The following KDM4C variants were observed in gnomAD, a reference collection of about 807,000 sequenced individuals.
The protein encoded by KDM4C is lysine-specific demethylase 4C.
KDM4C carries 81 observed loss-of-function variants against 129.3 expected under a neutral mutation model. The observed-to-expected ratio is 0.63, with a 90% CI of 0.52 to 0.75. The LOEUF (loss-of-function observed/expected upper bound fraction) is 0.75, where lower values mean the gene tolerates loss of function less well. KDM4C is among the 30% of genes least tolerant of loss of function. The pLI is 0.00. For synonymous variants in KDM4C, 573 were observed against 456.1 expected (o/e 1.26, Z -3.26); for missense variants, 1,457 against 1,304.0 (o/e 1.12, Z -1.81).
At chr9:6,729,087 C>G (rs1372253470) in intron 1 of KDM4C, among the ~76,000 whole-genome samples, 1 of 149,748 alleles carries the variant, frequency 6.7e-6, no homozygotes, top group Non-Finnish European at 1.5e-5. Flanking sequence ...TGTCTGTAAT[C>G]CCAGCTACTC....
rs768184146 is a variant in KDM4C, at chr9:7,011,736, G to T, written c.1825G>T (p.Glu609Ter). The T allele has an allele frequency of 1.9e-6, 3 of 1,614,154 alleles. No individual in the cohort carries two copies. Among genetic ancestry groups the T allele is most frequent in the Non-Finnish European group, 1.7e-6 (2 of 1,179,998 alleles). Residue 609 changes from glutamate (E) to a stop codon, truncating the protein, a stop_gained, in exon 13 of 22, where the codon GAA (glutamate) becomes TAA (stop). Transcript: ENST00000381309. LOFTEE classifies it high-confidence loss of function. ...TCTGTCCATTGAGGAGGAAGTGGAA[G>T]AAACAGAGTCTTGGGCGAAACCTCT... ...EVLSIEEEVE[E>*]TESWAKPLIH...
At chr9:7,139,594 C>T (rs2129829815) in intron 19 of KDM4C, among the ~76,000 whole-genome samples, 1 of 152,170 alleles carries the variant, frequency 6.6e-6, no homozygotes, top group East Asian at 1.9e-4. Context: ...CACTATAACC[C>T]TTAGACCAGG....
chr9:6,917,160 G>A (rs1292320374), intron 8 of KDM4C, among the ~76,000 whole-genome samples: 1 of 152,150 alleles, frequency 6.6e-6, no homozygotes, highest in Non-Finnish European at 1.5e-5. Flanking sequence ...GAGATGCTCA[G>A]GAAGGAAAAT....
At chr9:7,039,762 G>T (rs1828243355) in intron 15 of KDM4C, among the ~76,000 whole-genome samples, 1 of 152,124 alleles carries the variant, frequency 6.6e-6, no homozygotes, top group Middle Eastern at 3.4e-3. Flanking sequence ...CATCATAAAG[G>T]TCTTCATCCT....
chr9:6,769,384 A>C (rs895078561), intron 1 of KDM4C, among the ~76,000 whole-genome samples: 1 of 151,900 alleles, frequency 6.6e-6, no homozygotes, highest in African/African-American at 2.4e-5. Flanking sequence ...TGGAGAGCCT[A>C]GCAAAGAGGT....
At chr9:6,992,132 G>C (rs1249071661) in intron 12 of KDM4C, among the ~76,000 whole-genome samples, 2 of 151,876 alleles carry the variant, frequency 1.3e-5, no homozygotes, top group Non-Finnish European at 2.9e-5. Context: ...GCTCATGATT[G>C]TAATTTCCCT....
chr9:6,947,657 C>A (rs1299074312), intron 8 of KDM4C, among the ~76,000 whole-genome samples: 1 of 152,010 alleles, frequency 6.6e-6, no homozygotes, highest in Non-Finnish European at 1.5e-5. Flanking sequence ...CCTTGAATTT[C>A]AAATTGTTTA....
chr9:6,838,616 T>C (rs762134432), intron 4 of KDM4C, among the ~76,000 whole-genome samples: 48 of 152,226 alleles, frequency 3.2e-4, no homozygotes, highest in Non-Finnish European at 4.9e-4. Flanking sequence ...TGCAGAATTA[T>C]TTTTCTTTCA....
intron 8 of KDM4C, among the ~76,000 whole-genome samples, chr9:6,952,430 TA>T (rs1468238795): frequency 1.9e-4 from 27 of 138,710 alleles, no homozygotes; most frequent in East Asian, 4.5e-4. Flanking sequence ...TATATATATA[TA>T]ATAATAATTA....
chr9:6,849,457 A>G lies in KDM4C; in HGVS notation c.436-50A>G, dbSNP rs200827323. 9.8e-6 allele frequency: 14 copies of G among 1,424,472 alleles called. No homozygotes were observed. The East Asian group carries it at 2.3e-4, about 24-fold the overall frequency. The allele number at this position is 1,424,472 out of a possible 1,614,324, so 88.2% of individuals were successfully genotyped here. On this transcript the variant is annotated intron_variant, in intron 4 of 21. Transcript: ENST00000381309. ...GTTTGATTAGTAAATGCTATCTTTC[A>G]TGGTTTAGTAAGATTTGATTTCTCT... is the stretch of plus-strand genomic sequence containing the variant.
chr9:6,773,644 G>A (rs1310410759), intron 1 of KDM4C, among the ~76,000 whole-genome samples: 1 of 151,924 alleles, frequency 6.6e-6, no homozygotes, highest in Non-Finnish European at 1.5e-5. Context: ...GTTAGCGCAC[G>A]CTTATAATCC....
At chr9:7,151,933 G>C (rs1005015374) in intron 19 of KDM4C, among the ~76,000 whole-genome samples, 1 of 152,162 alleles carries the variant, frequency 6.6e-6, no homozygotes, top group African/African-American at 2.4e-5. Flanking sequence ...GCACAGAATT[G>C]GTTCTTTCGT....
At position 6,849,667 on chromosome 9, in the gene KDM4C, T is replaced by C. The variant is rs1838473686; in HGVS notation, c.596T>C (p.Ile199Thr). 1 of 1,604,700 alleles carries C rather than the reference T, an allele frequency of 6.2e-7. No individual in the cohort carries two copies. Among genetic ancestry groups the C allele is most frequent in the Non-Finnish European group, 8.5e-7 (1 of 1,173,218 alleles). ...ACCGAAGACATGGACCTCTATAGCA[T>C]TAATTATCTCCACTTTGGAGAGCCC... ...WHTEDMDLYS[I>T]NYLHFGEPKS... The change falls in exon 5 of 22, where the codon ATT (isoleucine) becomes ACT (threonine). Residue 199 changes from isoleucine (I) to threonine (T), a missense_variant. Coordinates refer to ENST00000381309, the MANE Select transcript of KDM4C (RefSeq NM_015061.6).
intron 4 of KDM4C, among the ~76,000 whole-genome samples, chr9:6,816,373 T>A (rs1216952378): frequency 6.6e-6 from 1 of 152,176 alleles, no homozygotes; most frequent in Non-Finnish European, 1.5e-5. Context: ...ACCGTAGAAT[T>A]CCCTTACCTG....
At chr9:7,053,965 C>G (rs996140487) in intron 17 of KDM4C, among the ~76,000 whole-genome samples, 1 of 152,218 alleles carries the variant, frequency 6.6e-6, no homozygotes, top group African/African-American at 2.4e-5. Flanking sequence ...CAGCATTCTT[C>G]TGATATTTAA....
At chr9:6,746,223 G>T (rs1390345932) in intron 1 of KDM4C, among the ~76,000 whole-genome samples, 1 of 149,300 alleles carries the variant, frequency 6.7e-6, no homozygotes. Flanking sequence ...TTACAGGTGT[G>T]AGCCACTGTG....
At chr9:6,771,216 C>A (rs905153133) in intron 1 of KDM4C, among the ~76,000 whole-genome samples, 1 of 150,708 alleles carries the variant, frequency 6.6e-6, no homozygotes, top group Admixed American at 6.6e-5. Flanking sequence ...CAGGTGTGAG[C>A]CACTGCACCT....
intron 2 of KDM4C, among the ~76,000 whole-genome samples, chr9:6,800,709 C>T (rs945265342): frequency 6.6e-6 from 1 of 152,174 alleles, no homozygotes; most frequent in Admixed American, 6.5e-5. Flanking sequence ...TCACTGCAGC[C>T]TTGTCCTCCC....
intron 18 of KDM4C, 27 bp from the exon 19 acceptor site, chr9:7,128,039 C>G (rs1240062597): frequency 7.1e-7 from 1 of 1,415,372 alleles, no homozygotes; most frequent in Non-Finnish European, 9.3e-7. Context: ...TACTTCTTTT[C>G]TTCCTTTTTT....
Sources: gnomAD v4.1 joint callset for allele counts (sites outside exome capture counted in the v4.1 genomes callset) on GRCh38, gnomAD v4.1.1 for gene constraint, MANE v1.5 for transcripts, NCBI Gene and HGNC (gene_info 2026-07-23, HGNC 2026-07-21) for gene names.